The following ADGRG1 variants were observed in gnomAD, a reference collection of about 807,000 sequenced individuals.
ADGRG1 encodes the protein adhesion G protein-coupled receptor G1, also known as 7-transmembrane protein with no EGF-like N-terminal domains-1.
ADGRG1 carries 53 observed loss-of-function variants against 73.5 expected under a neutral mutation model. That is an observed-to-expected ratio of 0.72 (90% CI 0.58 to 0.91). The LOEUF is 0.91. Ranked by LOEUF, ADGRG1 falls within the 40% of genes least tolerant of loss-of-function variation. The pLI is 0.00. For synonymous variants in ADGRG1, 394 were observed against 374.4 expected (o/e 1.05, Z -0.60); for missense variants, 795 against 871.8 (o/e 0.91, Z 1.11).
intron 2 of ADGRG1, among the ~76,000 whole-genome samples, chr16:57,650,709 C>CTTTTTTT (rs533496874): frequency 7.8e-6 from 1 of 128,968 alleles, no homozygotes; most frequent in African/African-American, 3.0e-5. Context: ...TCAGTTTCCT[C>CTTTTTTT]TTTTTTTTTT....
intron 1 of ADGRG1, chr16:57,646,862 G>T (rs2042781861): frequency 1.1e-6 from 1 of 893,834 alleles, no homozygotes; most frequent in Admixed American, 6.2e-5. Flanking sequence ...CATTGCGGGG[G>T]TGTTGCTAGA....
chr16:57,623,036 G>A (rs1222916495), upstream of ADGRG1: 12 of 985,310 alleles, frequency 1.2e-5, no homozygotes, highest in Non-Finnish European at 1.4e-5. Flanking sequence ...ATGGTATGGA[G>A]GGGCAAAGCA....
chr16:57,631,036 A>C, intron 1 of ADGRG1: 1 of 985,770 alleles, frequency 1.0e-6, no homozygotes, highest in Non-Finnish European at 1.2e-6. Context: ...CCCAGGCTGC[A>C]AACCCAGCAG....
intron 1 of ADGRG1, chr16:57,637,620 T>C (rs2039693504): frequency 1.0e-6 from 1 of 985,232 alleles, no homozygotes; most frequent in East Asian, 1.1e-4. Flanking sequence ...CTTTGCTTTC[T>C]TTTCCTCTTC....
intron 1 of ADGRG1, chr16:57,635,728 A>T: frequency 1.0e-6 from 1 of 984,554 alleles, no homozygotes; most frequent in Non-Finnish European, 1.2e-6. Flanking sequence ...GCTGCTGCCG[A>T]CTCTCCATGT....
intron 10 of ADGRG1, among the ~76,000 whole-genome samples, 190 bp downstream of exon 10, chr16:57,657,681 A>G (rs1039491564): frequency 2.0e-5 from 3 of 152,220 alleles, no homozygotes; most frequent in African/African-American, 7.2e-5. Flanking sequence ...GTGTTTGGAT[A>G]ACATAGTATT....
At chr16:57,643,894 GTGGGGGGACTGGGC>G in intron 1 of ADGRG1, 1 of 973,704 alleles carries the variant, frequency 1.0e-6, no homozygotes, top group Non-Finnish European at 1.2e-6. Context: ...CGGCTGAGGG[GTGGGGGGACTGGGC>G]TGGGGGTGGG....
At chr16:57,632,408 C>A in intron 1 of ADGRG1, 2 of 752,052 alleles carry the variant, frequency 2.7e-6, no homozygotes, top group Non-Finnish European at 3.2e-6. Context: ...ATCACATCTG[C>A]TTCAGAGGCT....
At chr16:57,635,734 C>T (rs1025077681) in intron 1 of ADGRG1, 8 of 985,252 alleles carry the variant, frequency 8.1e-6, no homozygotes, top group African/African-American at 7.0e-5. Flanking sequence ...GCCGACTCTC[C>T]ATGTCGTTGC....
At chr16:57,651,885 G>A in intron 3 of ADGRG1, 1 of 1,413,752 alleles carries the variant, frequency 7.1e-7, no homozygotes, top group Non-Finnish European at 9.2e-7. Flanking sequence ...GAAGGGCAAG[G>A]GCCCGTCCTG....
chr16:57,661,854 G>A lies in ADGRG1; in HGVS notation c.1822G>A (p.Gly608Ser). ...GTGGTCACATGTGCTGACACTGCTG[G>A]GCCTCAGCCTGGTCCTTGGCCTGCC... Reference protein sequence around the residue: ...QKWSHVLTLLGLSLVLGLPWA... With the variant: ...QKWSHVLTLLSLSLVLGLPWA... Residue 608 changes from glycine (G) to serine (S), a missense_variant, in exon 13 of 14, where the codon GGC (glycine) becomes AGC (serine). Transcript: ENST00000562631. 2 of 1,614,212 alleles carry A rather than the reference G, an allele frequency of 1.2e-6. No homozygotes were observed. The highest frequency in any genetic ancestry group is 1.1e-5 in the South Asian group (1 of 91,086).
At chr16:57,656,658 C>T (rs374119729) in intron 9 of ADGRG1, 41 bp downstream of exon 9, 17 of 1,192,182 alleles carry the variant, frequency 1.4e-5, no homozygotes, top group African/African-American at 1.2e-4. Flanking sequence ...CACCCCAGGC[C>T]GTGTGCTTGT....
Position 57,664,051 on chromosome 16 carries a change from T to G in ADGRG1, c.*469T>G, listed in dbSNP as rs1026812635. On this transcript the variant is annotated 3_prime_UTR_variant, in exon 14 of 14. Transcript: ENST00000562631. ...CATCCTCTGTCATTTTAACCTCAGG[T>G]GGCACCCAGGGCGAATGGGGCCCAG... 1 of 191,056 alleles carries G rather than the reference T, an allele frequency of 5.2e-6. No individual in the cohort carries two copies. The highest frequency in any genetic ancestry group is 9.4e-5 in the South Asian group (1 of 10,662). 11.8% of individuals were successfully genotyped at this position (191,056 alleles called of 1,614,324 possible).
At chr16:57,644,429 ACTC>A (rs2041762184) in intron 1 of ADGRG1, among the ~76,000 whole-genome samples, 2 of 136,084 alleles carry the variant, frequency 1.5e-5, no homozygotes, top group South Asian at 4.9e-4. Flanking sequence ...CTCGTCACAC[ACTC>A]CTCACACATT....
intron 1 of ADGRG1, chr16:57,630,390 G>A (rs1158844202): frequency 1.0e-5 from 10 of 985,616 alleles, no homozygotes; most frequent in African/African-American, 1.7e-5. Flanking sequence ...GCAGGGACCC[G>A]AGATATGCAC....
chr16:57,655,565 A>C, intron 6 of ADGRG1, 35 bp downstream of exon 6: 1 of 1,611,862 alleles, frequency 6.2e-7, no homozygotes, highest in Non-Finnish European at 8.5e-7. Flanking sequence ...TCCCAGGAGA[A>C]AGCAGTTTTT....
upstream of ADGRG1, chr16:57,622,922 G>C: frequency 1.0e-6 from 1 of 985,446 alleles, no homozygotes; most frequent in Non-Finnish European, 1.2e-6. Flanking sequence ...TTTCCCGGCA[G>C]GGCAGGGACA....
At chr16:57,626,794 C>T (rs2035922637), upstream of ADGRG1, 6 of 984,430 alleles carry the variant, frequency 6.1e-6, no homozygotes, top group Non-Finnish European at 7.2e-6. Flanking sequence ...CCCGGGTTAC[C>T]AGTTGATCAG....
rs369147371 is a variant in ADGRG1 at position 57,653,279 on chromosome 16, G to T, written c.564G>T (p.Gln188His). The change falls in exon 4 of 14, where the codon CAG (glutamine) becomes CAT (histidine). Residue 188 changes from glutamine (Q) to histidine (H), a missense_variant. Coordinates refer to ENST00000562631, the MANE Select transcript of ADGRG1 (RefSeq NM_201525.4). ...ELKRDLQLLS[Q>H]FLKHPQKASR... ...AAAGGGACCTCCAGCTGCTCAGCCA[G>T]TTCCTGAAGCATCCCCAGAAGGCCT... The T allele has an allele frequency of 2.0e-5, 33 of 1,612,798 alleles. No individual in the cohort carries two copies. The highest frequency in any genetic ancestry group is 9.3e-5 in the African/African-American group (7 of 74,922).
Sources: gnomAD v4.1 joint callset for allele counts (sites outside exome capture counted in the v4.1 genomes callset) on GRCh38, gnomAD v4.1.1 for gene constraint, MANE v1.5 for transcripts, NCBI Gene and HGNC (gene_info 2026-07-23, HGNC 2026-07-21) for gene names.